The following ASB3 variants were observed in gnomAD, a reference collection of about 807,000 sequenced individuals.
ASB3 encodes ankyrin repeat and SOCS box containing 3, also known as ankyrin repeat and SOCS box protein 3.
A neutral mutation model predicts 54.5 loss-of-function variants in ASB3; 41 were observed. The observed-to-expected ratio is 0.75, with a 90% CI of 0.59 to 0.98. The LOEUF is 0.98. ASB3 is among the 50% of genes least tolerant of loss of function. The probability of loss-of-function intolerance (pLI) is 0.00; values close to 1 mark genes in which losing one functional copy is unlikely to be tolerated. For missense variants in ASB3, 733 were observed against 620.0 expected, an observed-to-expected ratio of 1.18 and a Z score of -1.94; for synonymous variants, 266 against 221.2, an observed-to-expected ratio of 1.20 and a Z score of -1.80.
intron 5 of ASB3, among the ~76,000 whole-genome samples, chr2:53,723,703 C>T (rs1420555835): frequency 6.6e-6 from 1 of 152,120 alleles, no homozygotes; most frequent in African/African-American, 2.4e-5. Context: ...GCTACAGTAA[C>T]CAAAACAGCA....
intron 3 of ASB3, among the ~76,000 whole-genome samples, chr2:53,742,358 T>C (rs1014607766): frequency 6.6e-6 from 1 of 152,044 alleles, no homozygotes; most frequent in African/African-American, 2.4e-5. Context: ...AGATGAATTA[T>C]CACAAAGGTA....
chr2:53,740,301 CA>C (rs1274438386), intron 3 of ASB3, among the ~76,000 whole-genome samples: 1 of 151,892 alleles, frequency 6.6e-6, no homozygotes, highest in Non-Finnish European at 1.5e-5. Flanking sequence ...TTTCATGAAC[CA>C]AAAAAGGAAC....
chr2:53,689,758 T>C (rs1668810859), intron 9 of ASB3, among the ~76,000 whole-genome samples: 1 of 152,208 alleles, frequency 6.6e-6, no homozygotes. Flanking sequence ...CTCATAATGT[T>C]CCTGGAGTAC....
At chr2:53,675,249 C>T (rs543502020) in intron 9 of ASB3, among the ~76,000 whole-genome samples, 2 of 152,036 alleles carry the variant, frequency 1.3e-5, no homozygotes, top group Admixed American at 1.3e-4. Flanking sequence ...TGATTACACA[C>T]TAAATTAGTA....
chr2:53,691,286 A>G (rs1204912459), intron 9 of ASB3, among the ~76,000 whole-genome samples: 1 of 152,204 alleles, frequency 6.6e-6, no homozygotes, highest in Non-Finnish European at 1.5e-5. Flanking sequence ...AATTTTGACC[A>G]AGTACATGGC....
At chr2:53,682,318 CCT>C (rs1411105319) in intron 9 of ASB3, among the ~76,000 whole-genome samples, 7 of 152,078 alleles carry the variant, frequency 4.6e-5, no homozygotes, top group Admixed American at 3.9e-4. Flanking sequence ...GAATGTATTT[CCT>C]CTTTTGATGT....
At chr2:53,751,767 A>C (rs189287368) in intron 2 of ASB3, among the ~76,000 whole-genome samples, 2 of 152,350 alleles carry the variant, frequency 1.3e-5, no homozygotes, top group African/African-American at 4.8e-5. Context: ...TTGTCATTGT[A>C]ACTCACTGAT....
At chr2:53,743,853 G>A (rs1672071220) in intron 3 of ASB3, among the ~76,000 whole-genome samples, 1 of 151,964 alleles carries the variant, frequency 6.6e-6, no homozygotes, top group African/African-American at 2.4e-5. Flanking sequence ...GACCAGCCTG[G>A]CCAACATGGT....
In ASB3 at chr2:53,670,642, C is replaced by A; in HGVS notation, c.1418G>T (p.Ser473Ile). ...AGACCGTAGACGTTCTGATTTTAGACTGGACCGAATTTCCAAACGACAAAG... is the reference window on the plus strand; with the variant it reads ...AGACCGTAGACGTTCTGATTTTAGAATGGACCGAATTTCCAAACGACAAAG... The part of the protein sequence containing the change: ...THLCRLEIRS[S>I]LKSERLRSDS... The change falls in exon 10 of 10, where the codon AGT (serine) becomes ATT (isoleucine). Residue 473 changes from serine (S) to isoleucine (I), a missense_variant. Coordinates refer to ENST00000263634, the MANE Select transcript of ASB3 (RefSeq NM_016115.5). 1 of 1,613,998 alleles carries A rather than the reference C, an allele frequency of 6.2e-7. No homozygotes were observed. The highest frequency in any genetic ancestry group is 8.5e-7 in the Non-Finnish European group (1 of 1,179,958).
intron 1 of ASB3, chr2:53,767,596 C>T: frequency 2.8e-6 from 1 of 357,026 alleles, no homozygotes; most frequent in Non-Finnish European, 5.2e-6. Context: ...TTTCTGCACA[C>T]GGGCACTAAA....
intron 1 of ASB3, among the ~76,000 whole-genome samples, chr2:53,778,125 C>T (rs966238973): frequency 3.0e-5 from 4 of 134,132 alleles, no homozygotes; most frequent in East Asian, 2.2e-4. Flanking sequence ...CTCCAGCCTG[C>T]GCAACAGAGC....
chr2:53,778,361 A>G (rs754279292), intron 1 of ASB3, among the ~76,000 whole-genome samples: 6 of 152,140 alleles, frequency 3.9e-5, no homozygotes, highest in Non-Finnish European at 7.3e-5. Flanking sequence ...TATGAATACA[A>G]TGTGGAATAA....
intron 2 of ASB3, among the ~76,000 whole-genome samples, chr2:53,753,377 C>T (rs940619991): frequency 3.9e-5 from 6 of 152,098 alleles, no homozygotes; most frequent in Admixed American, 3.3e-4. Context: ...AGGTTTCTTA[C>T]TGTTGGAGAG....
intron 9 of ASB3, among the ~76,000 whole-genome samples, chr2:53,672,191 T>G (rs969999047): frequency 6.6e-6 from 1 of 152,196 alleles, no homozygotes; most frequent in African/African-American, 2.4e-5. Flanking sequence ...AAAGCAAAAG[T>G]TATCGATTTT....
Position 53,670,450 on chromosome 2 carries a change from T to C in ASB3, c.*53A>G, listed in dbSNP as rs1307511739. The C allele has an allele frequency of 1.9e-6, 3 of 1,570,198 alleles. No individual in the cohort carries two copies. Among genetic ancestry groups the C allele is most frequent in the African/African-American group, 2.7e-5 (2 of 72,924 alleles). On this transcript the variant is annotated 3_prime_UTR_variant, in exon 10 of 10. Transcript: ENST00000263634. ...AAACTTGTACTCTGTGGCTCTTTTG[T>C]CTCGATGATTTTTCAGAGAAAAAAA... is the stretch of plus-strand genomic sequence containing the variant.
In ASB3 at chr2:53,750,782, C is replaced by A. The variant is rs747410152; in HGVS notation, c.355+1G>T. The A allele has an allele frequency of 3.2e-6, 5 of 1,545,334 alleles. No individual in the cohort carries two copies. The highest frequency in any genetic ancestry group is 1.4e-5 in the African/African-American group (1 of 71,928). ...ATCTGCACCACAAATAGCATACTTA[C>A]CTAAAAACAATGGTGTCGTTTCTTC... On this transcript the variant is annotated splice_donor_variant, in intron 3 of 9. Transcript: ENST00000263634. LOFTEE classifies it high-confidence loss of function.
intron 2 of ASB3, among the ~76,000 whole-genome samples, chr2:53,758,053 T>G (rs945691620): frequency 6.6e-5 from 10 of 151,780 alleles, no homozygotes; most frequent in African/African-American, 1.9e-4. Flanking sequence ...AAAAGAGAGA[T>G]AGAAGTAGTA....
chr2:53,751,304 TTA>T (rs1220359866), intron 2 of ASB3, among the ~76,000 whole-genome samples: 1 of 152,214 alleles, frequency 6.6e-6, no homozygotes, highest in Non-Finnish European at 1.5e-5. Context: ...TTCATCAATT[TTA>T]TTTTTTTATT....
intron 3 of ASB3, among the ~76,000 whole-genome samples, chr2:53,734,794 A>G (rs1390941734): frequency 2.0e-5 from 3 of 152,168 alleles, no homozygotes; most frequent in Non-Finnish European, 4.4e-5. Flanking sequence ...TGGTGTTACA[A>G]CTTTCTCTAA....
Sources: allele counts gnomAD v4.1 joint callset (sites outside exome capture counted in the v4.1 genomes callset), GRCh38; gene constraint gnomAD v4.1.1; transcripts MANE v1.5; gene names NCBI Gene and HGNC (gene_info 2026-07-23, HGNC 2026-07-21).